THUMPD3: variants seen among roughly 807,000 people sequenced by gnomAD.
The protein encoded by THUMPD3 is tRNA (guanine(6)-N(2))-methyltransferase THUMP3.
Under a neutral mutation model 54.5 loss-of-function variants are expected in THUMPD3, and 44 were observed. The ratio of observed to expected loss-of-function variants is 0.81; its 90% confidence interval spans 0.63 to 1.04. The LOEUF is 1.04. Ranked by LOEUF, THUMPD3 falls within the 50% of genes least tolerant of loss-of-function variation. The probability of loss-of-function intolerance (pLI) is 0.00; values close to 1 mark genes in which losing one functional copy is unlikely to be tolerated. For synonymous variants in THUMPD3, 196 were observed against 201.4 expected (o/e 0.97, Z 0.23); for missense variants, 604 against 601.3 (o/e 1.00, Z -0.05).
chr3:9,365,067 AC>A lies in THUMPD3; in HGVS notation c.-1del. The A allele has an allele frequency of 6.2e-7, 1 of 1,613,448 alleles. No homozygotes were observed. The highest frequency in any genetic ancestry group is 1.1e-5 in the South Asian group (1 of 91,040). On this transcript the variant is annotated 5_prime_UTR_variant, in exon 2 of 10. Transcript: ENST00000452837. Reference sequence around the variant, plus strand: ...GTTAGGGATCTTGGAAGCACAGCCAACATGTGTGACATTGAAGAAGCCACTA... The same window carrying A: ...GTTAGGGATCTTGGAAGCACAGCCAAATGTGTGACATTGAAGAAGCCACTA...
At chr3:9,369,309 C>A (rs1465064251) in intron 3 of THUMPD3, among the ~76,000 whole-genome samples, 96 of 60,812 alleles carry the variant, frequency 1.6e-3, no homozygotes, top group Admixed American at 2.4e-3. Context: ...GACTCCGTCT[C>A]AAAAAAAAAA....
In THUMPD3 at chr3:9,371,363, A is replaced by G. The variant is rs566880014; in HGVS notation, c.634A>G (p.Thr212Ala). 9 of 1,614,214 alleles carry G rather than the reference A, an allele frequency of 5.6e-6. No homozygotes were observed. In the South Asian group the frequency reaches 7.7e-5, roughly 14 times the overall value. ...GDDLASCKDE[T>A]DESSKEETEP... ...TGATTTGGCATCTTGCAAAGATGAG[A>G]CTGATGAAAGCTCAAAAGAAGAAAC... Residue 212 changes from threonine (T) to alanine (A), a missense_variant, in exon 4 of 10, where the codon ACT becomes GCT. Physicochemically the swap from Thr to Ala is moderately conservative, Grantham distance 58 (BLOSUM62 0). Coordinates refer to ENST00000452837, the MANE Select transcript of THUMPD3 (RefSeq NM_001114092.2).
rs1370746048 is a variant in THUMPD3 at position 9,385,451 on chromosome 3, TAC to T, written c.*765_*766del. ...TCAACCTGAAGGAATGAAGCATTAT[TAC>T]ATTTTGTGAATGGTGTTCAGCCTAT... On this transcript the variant is annotated 3_prime_UTR_variant, in exon 10 of 10. Coordinates refer to ENST00000452837, the MANE Select transcript of THUMPD3 (RefSeq NM_001114092.2). 5 of 152,228 alleles carry T rather than the reference TAC, an allele frequency of 3.3e-5. No individual in the cohort carries two copies. The highest frequency in any genetic ancestry group is 1.2e-4 in the African/African-American group (5 of 41,458). 9.4% of individuals were successfully genotyped at this position (152,228 alleles called of 1,614,324 possible). A position where few individuals can be genotyped will look rare whatever the true frequency, so the allele number is the denominator to read the frequency against.
At chr3:9,384,167 TTGTA>T (rs753524175) in intron 8 of THUMPD3, 41 bp from the exon 9 acceptor site, 2 of 1,600,186 alleles carry the variant, frequency 1.2e-6, no homozygotes, top group South Asian at 2.2e-5. Flanking sequence ...TCCTTCTATT[TTGTA>T]TCTTTTGCAA....
At chr3:9,369,172 C>T (rs147459110) in intron 3 of THUMPD3, among the ~76,000 whole-genome samples, 249 of 151,436 alleles carry the variant, frequency 1.6e-3, no homozygotes, top group Non-Finnish European at 2.8e-3. Flanking sequence ...TAGCCGGGTG[C>T]GGTGGCGGGC....
intron 5 of THUMPD3, among the ~76,000 whole-genome samples, chr3:9,375,796 G>A (rs2125323344): frequency 6.6e-6 from 1 of 152,312 alleles, no homozygotes; most frequent in South Asian, 2.1e-4. Context: ...CTACAAACCT[G>A]TACAGCATGT....
chr3:9,363,903 G>T (rs1202277787), intron 1 of THUMPD3: 1 of 147,950 alleles, frequency 6.8e-6, no homozygotes, highest in Non-Finnish European at 1.5e-5. Flanking sequence ...CTGGACTCCA[G>T]GCGCCCACCA....
chr3:9,372,867 C>T (rs1054386328), intron 4 of THUMPD3, among the ~76,000 whole-genome samples: 1 of 152,208 alleles, frequency 6.6e-6, no homozygotes, highest in Non-Finnish European at 1.5e-5. Flanking sequence ...GCTTTTGGGA[C>T]ACTTGAATCT....
intron 8 of THUMPD3, among the ~76,000 whole-genome samples, 167 bp from the exon 9 acceptor site, chr3:9,384,045 A>T (rs1487548127): frequency 2.2e-4 from 33 of 152,384 alleles, no homozygotes; most frequent in Non-Finnish European, 5.9e-5. Context: ...AATTCTAAGC[A>T]GTTTACTAAC....
rs997846072 is a variant in THUMPD3 at position 9,384,836 on chromosome 3, A to T, written c.*148A>T. On this transcript the variant is annotated 3_prime_UTR_variant, in exon 10 of 10. Transcript: ENST00000452837. ...CCTGGTTAGCAAAAGGTGTGAATGT[A>T]ATGTGATGGAATTTAAAAGTTTTAT... The T allele has an allele frequency of 1.2e-5, 10 of 866,190 alleles. No homozygotes were observed. The African/African-American group carries it at 1.7e-4, about 15-fold the overall frequency. The allele number at this position is 866,190 out of a possible 1,614,324, so 53.7% of individuals were successfully genotyped here. A position where few individuals can be genotyped will look rare whatever the true frequency, so the allele number is the denominator to read the frequency against.
rs752551107 is a variant in THUMPD3, at chr3:9,365,039, A to G, written c.-30A>G. 9 of 1,599,336 alleles carry G rather than the reference A, an allele frequency of 5.6e-6. No individual in the cohort carries two copies. Among genetic ancestry groups the G allele is most frequent in the Non-Finnish European group, 7.7e-6 (9 of 1,172,214 alleles). On this transcript the variant is annotated 5_prime_UTR_variant, in exon 2 of 10. Transcript: ENST00000452837. The stretch of plus-strand genomic sequence containing the variant: ...AGGACAGTACTGCTTTTAAAGAGAC[A>G]GTGTTAGGGATCTTGGAAGCACAGC...
In THUMPD3 at chr3:9,384,860, A is replaced by G; in HGVS notation, c.*172A>G. 1 of 736,754 alleles carries G rather than the reference A, an allele frequency of 1.4e-6. No homozygotes were observed. Among genetic ancestry groups the G allele is most frequent in the East Asian group, 2.8e-5 (1 of 36,216 alleles). 45.6% of individuals were successfully genotyped at this position (736,754 alleles called of 1,614,324 possible). A position where few individuals can be genotyped will look rare whatever the true frequency, so the allele number is the denominator to read the frequency against. ...TAATGTGATGGAATTTAAAAGTTTT[A>G]TGAGACCAGGCACAGTGGCTCACGA... On this transcript the variant is annotated 3_prime_UTR_variant, in exon 10 of 10. Transcript: ENST00000452837.
In THUMPD3 at chr3:9,386,086, A is replaced by G. The variant is rs2033313558; in HGVS notation, c.*1398A>G. 1 of 152,218 alleles carries G rather than the reference A, an allele frequency of 6.6e-6. No individual in the cohort carries two copies. The highest frequency in any genetic ancestry group is 2.4e-5 in the African/African-American group (1 of 41,442). 9.4% of individuals were successfully genotyped at this position (152,218 alleles called of 1,614,324 possible). A position where few individuals can be genotyped will look rare whatever the true frequency, so the allele number is the denominator to read the frequency against. On this transcript the variant is annotated 3_prime_UTR_variant, in exon 10 of 10. Transcript: ENST00000452837. ...GTCTCCATTGAGAATAAAAGGACAC[A>G]ATACTTTTGAAAGAAGAGTTCACAT...
chr3:9,371,456 A>G lies in THUMPD3; in HGVS notation c.727A>G (p.Asn243Asp). Residue 243 changes from asparagine (N) to aspartate (D), a missense_variant, in exon 4 of 10, where the codon AAT becomes GAT. By Grantham distance (23) the Asn-to-Asp change is conservative. Coordinates refer to ENST00000452837, the MANE Select transcript of THUMPD3 (RefSeq NM_001114092.2). ...AGGAGAGAAACATTGCTTTACCTCA[A>G]ATGAGGCTGCAAGAGATTTTGGGGG... ...RAGEKHCFTS[N>D]EAARDFGGAV... The G allele has an allele frequency of 5.6e-6, 9 of 1,614,216 alleles. No individual in the cohort carries two copies. The highest frequency in any genetic ancestry group is 5.9e-6 in the Non-Finnish European group (7 of 1,180,034).
At chr3:9,378,604 A>G (rs1037010271) in intron 6 of THUMPD3, among the ~76,000 whole-genome samples, 1 of 152,260 alleles carries the variant, frequency 6.6e-6, no homozygotes, top group Non-Finnish European at 1.5e-5. Flanking sequence ...AACTGCAGGG[A>G]GACACAGCAG....
chr3:9,364,536 G>A (rs193272672), intron 1 of THUMPD3, among the ~76,000 whole-genome samples: 5 of 151,924 alleles, frequency 3.3e-5, no homozygotes, highest in Admixed American at 1.3e-4. Flanking sequence ...TAGTAGAGAC[G>A]GGGTTTCACC....
rs1452607575 is a variant in THUMPD3, at chr3:9,383,295, G to C, written c.1221G>C (p.Leu407Phe). Residue 407 changes from leucine to phenylalanine, a missense_variant, in exon 8 of 10, where the codon TTG (leucine) becomes TTC (phenylalanine). Physicochemically the swap from Leu to Phe is conservative, Grantham distance 22 (BLOSUM62 0). Transcript: ENST00000452837. ...TGSVDIIVTD[L>F]PFGKRMGSKK... The stretch of plus-strand genomic sequence containing the variant: ...CTGTGGATATTATTGTAACAGATTT[G>C]CCATTTGGAAAAAGGTGAGAAATAC... 1 of 1,612,862 alleles carries C rather than the reference G, an allele frequency of 6.2e-7. No homozygotes were observed. The highest frequency in any genetic ancestry group is 8.5e-7 in the Non-Finnish European group (1 of 1,178,946).
rs1353696243 is a variant in THUMPD3 at position 9,365,158 on chromosome 3, C to T, written c.90C>T (p.Leu30=). ...QKSVQVTESD[L]GSESELLVTI... ...CTGTACAAGTGACAGAAAGTGACCT[C>T]GGAAGTGAATCTGAGCTTCTAGTCA... The change falls in exon 2 of 10, where the codon CTC becomes CTT. Residue 30 remains leucine, a synonymous_variant. Transcript: ENST00000452837. The T allele has an allele frequency of 6.8e-6, 11 of 1,614,150 alleles. No individual in the cohort carries two copies. The East Asian group carries it at 1.1e-4, about 16-fold the overall frequency.
intron 6 of THUMPD3, among the ~76,000 whole-genome samples, chr3:9,379,985 C>T (rs1225173049): frequency 3.9e-5 from 6 of 152,130 alleles, no homozygotes; most frequent in South Asian, 4.1e-4. Flanking sequence ...CCACCATGCC[C>T]GGCCGGAAAT....
Sources: gnomAD v4.1 joint callset for allele counts (sites outside exome capture counted in the v4.1 genomes callset) on GRCh38, gnomAD v4.1.1 for gene constraint, MANE v1.5 for transcripts, NCBI Gene and HGNC (gene_info 2026-07-23, HGNC 2026-07-21) for gene names.